UPRT: variants seen among roughly 807,000 people sequenced by gnomAD.
UPRT encodes the protein RP11-311P8.3.
Under a neutral mutation model 22.6 loss-of-function variants are expected in UPRT, and 5 were observed. The ratio of observed to expected loss-of-function variants is 0.22; its 90% CI spans 0.12 to 0.47. UPRT has a LOEUF of 0.47. Among genes scored for constraint, UPRT ranks in the 20% least tolerant of loss-of-function variants. The probability of loss-of-function intolerance (pLI) is 0.99; values close to 1 mark genes in which losing one functional copy is unlikely to be tolerated. For synonymous variants in UPRT, 77 were observed against 87.7 expected (o/e 0.88, Z 0.68); for missense variants, 181 against 239.9 (o/e 0.75, Z 1.62).
chrX:75,242,937 C>T (rs2082493079), intron 4 of UPRT, among the ~76,000 whole-genome samples: 1 of 111,554 alleles, frequency 9.0e-6, no homozygotes, highest in Admixed American at 9.6e-5. Context: ...CCTATTAGTA[C>T]ATGCAAATGG....
At chrX:75,190,034 T>C (rs1035852817) in intron 4 of UPRT, among the ~76,000 whole-genome samples, 1 of 111,925 alleles carries the variant, frequency 8.9e-6, no homozygotes, top group Non-Finnish European at 1.9e-5. Flanking sequence ...TGTTAGCTAG[T>C]TATTTTGCTC....
intron 4 of UPRT, among the ~76,000 whole-genome samples, chrX:75,219,858 T>C (rs1172681374): frequency 1.8e-5 from 2 of 112,003 alleles, no homozygotes; most frequent in African/African-American, 6.5e-5. Flanking sequence ...ATCTGCACTA[T>C]AATATAACAT....
chrX:75,299,275 A>C (rs2082736386), intron 4 of UPRT, among the ~76,000 whole-genome samples: 1 of 112,437 alleles, frequency 8.9e-6, no homozygotes, highest in African/African-American at 3.2e-5. Context: ...ATGTCCCCTG[A>C]TGCTACCTTG....
upstream of UPRT, among the ~76,000 whole-genome samples, chrX:75,272,748 T>A (rs2082615734): frequency 1.8e-5 from 2 of 109,283 alleles, no homozygotes; most frequent in East Asian, 2.9e-4. Flanking sequence ...AAAAAAAAAT[T>A]ATAAAAAAAT....
At chrX:75,202,056 T>C (rs1000656922) in intron 4 of UPRT, among the ~76,000 whole-genome samples, 10 of 111,892 alleles carry the variant, frequency 8.9e-5, no homozygotes, top group South Asian at 3.7e-4. Flanking sequence ...TGGATTCACA[T>C]AACAAAAGGA....
At chrX:75,232,922 C>A (rs1602464182) in intron 4 of UPRT, among the ~76,000 whole-genome samples, 1 of 112,324 alleles carries the variant, frequency 8.9e-6, no homozygotes, top group Non-Finnish European at 1.9e-5. Flanking sequence ...AGCAACAGAA[C>A]AAAGCTGGAC....
At chrX:75,255,208 C>G (rs1289995938) in intron 4 of UPRT, among the ~76,000 whole-genome samples, 1 of 111,487 alleles carries the variant, frequency 9.0e-6, no homozygotes, top group African/African-American at 3.3e-5. Flanking sequence ...TAAGCCTCCT[C>G]AAACAAAAAA....
intron 4 of UPRT, among the ~76,000 whole-genome samples, chrX:75,218,495 C>G (rs1416561962): frequency 1.0e-5 from 1 of 97,007 alleles, no homozygotes; most frequent in Non-Finnish European, 2.1e-5. Flanking sequence ...CCTCAGGGAT[C>G]TAGAACTGGA....
rs1290022776 is a variant in UPRT at position 75,204,980 on chromosome X, T to C, written c.-447+37101T>C. 5.4e-5 allele frequency among the ~76,000 whole-genome samples: 6 copies of C among 110,844 alleles called. No homozygotes were observed. The East Asian group carries it at 1.7e-3, about 32-fold the overall frequency. On this transcript the variant is annotated intron_variant, in intron 4 of 13. Transcript: ENST00000652605. ...AGTAGGAGTGAAATTTTGGAAGGTG[T>C]CCTGCAGCCATAGATCCTGGATTAA...
chrX:75,234,955 A>G (rs1269263634), intron 4 of UPRT, among the ~76,000 whole-genome samples: 1 of 111,884 alleles, frequency 8.9e-6, no homozygotes, highest in Non-Finnish European at 1.9e-5. Flanking sequence ...ACTGAAGGAA[A>G]TAGAGACACA....
chrX:75,262,992 C>T (rs2082573927), intron 4 of UPRT, among the ~76,000 whole-genome samples: 1 of 111,462 alleles, frequency 9.0e-6, no homozygotes, highest in Admixed American at 9.6e-5. Context: ...CCCAAATCAA[C>T]AGAATATGCA....
chrX:75,176,425 G>T (rs2082246921), intron 4 of UPRT, among the ~76,000 whole-genome samples: 1 of 111,565 alleles, frequency 9.0e-6, no homozygotes, highest in African/African-American at 3.3e-5. Context: ...CTCTCCAAGT[G>T]AGGTCAAAGG....
chrX:75,250,261 T>C (rs2082523949), intron 4 of UPRT, among the ~76,000 whole-genome samples: 1 of 109,666 alleles, frequency 9.1e-6, no homozygotes, highest in African/African-American at 3.3e-5. Context: ...AAAAAATTAA[T>C]GAATTCAGGA....
At position 75,274,163 on chromosome X, in the gene UPRT, A is replaced by G; in HGVS notation, c.-92A>G. 1 of 1,121,763 alleles carries G rather than the reference A, an allele frequency of 8.9e-7. No homozygotes were observed. Among genetic ancestry groups the G allele is most frequent in the Non-Finnish European group, 1.2e-6 (1 of 847,971 alleles). 92.4% of individuals were successfully genotyped at this position (1,121,763 alleles called of 1,213,427 possible). ...TTAGATGTTCTGAGGAGGCGGGAGC[A>G]ACCGAGAGAGCACGTGAGCATCTGT... On this transcript the variant is annotated 5_prime_UTR_variant, in exon 1 of 7. Coordinates refer to ENST00000373383, the MANE Select transcript of UPRT (RefSeq NM_145052.4).
intron 4 of UPRT, among the ~76,000 whole-genome samples, chrX:75,184,905 T>C (rs1402124061): frequency 9.0e-6 from 1 of 111,633 alleles, no homozygotes; most frequent in East Asian, 2.8e-4. Flanking sequence ...GCTTATCAGC[T>C]TAAGGAGATT....
At chrX:75,250,217 G>T (rs2082523608) in intron 4 of UPRT, among the ~76,000 whole-genome samples, 1 of 110,070 alleles carries the variant, frequency 9.1e-6, no homozygotes. Context: ...GATCAGAGCA[G>T]AACTGAAGGA....
intron 4 of UPRT, among the ~76,000 whole-genome samples, chrX:75,176,365 C>T (rs1426789013): frequency 2.7e-5 from 3 of 111,248 alleles, no homozygotes; most frequent in African/African-American, 9.8e-5. Context: ...CAGCTAAAGC[C>T]GCATTCTTTT....
chrX:75,236,640 T>C (rs1205502989), intron 4 of UPRT, among the ~76,000 whole-genome samples: 1 of 111,856 alleles, frequency 8.9e-6, no homozygotes, highest in Admixed American at 9.5e-5. Flanking sequence ...TCTGAAATAA[T>C]GCTGCATATC....
At chrX:75,264,508 G>A (rs1295070930) in intron 4 of UPRT, among the ~76,000 whole-genome samples, 2 of 110,897 alleles carry the variant, frequency 1.8e-5, no homozygotes, top group Non-Finnish European at 3.8e-5. Context: ...GATCTTTGTT[G>A]GTTTAAAGTC....
Sources: allele counts gnomAD v4.1 joint callset (sites outside exome capture counted in the v4.1 genomes callset), GRCh38; gene constraint gnomAD v4.1.1; transcripts MANE v1.5; gene names NCBI Gene and HGNC (gene_info 2026-07-23, HGNC 2026-07-21).